KICS2: variants seen among roughly 807,000 people sequenced by gnomAD.
KICS2 encodes the protein KICSTOR subunit 2, also known as KICSTOR complex protein C12orf66.
Under a neutral mutation model 31.4 loss-of-function variants are expected in KICS2, and 13 were observed. The observed-to-expected ratio is 0.41, with a 90% CI of 0.27 to 0.66. The LOEUF (loss-of-function observed/expected upper bound fraction) is 0.66, where lower values mean the gene tolerates loss of function less well. Ranked by LOEUF, KICS2 falls within the 30% of genes least tolerant of loss-of-function variation. The pLI is 0.28. For missense variants in KICS2, 455 were observed against 545.4 expected (o/e 0.83, Z 1.65); for synonymous variants, 209 against 214.8 (o/e 0.97, Z 0.24).
chr12:64,219,654 GAAGA>G (rs1186534952), intron 1 of KICS2, among the ~76,000 whole-genome samples: 3 of 152,166 alleles, frequency 2.0e-5, no homozygotes, highest in African/African-American at 4.8e-5. Context: ...AGGAAGGAAG[GAAGA>G]TAACTATGTA....
At position 64,197,223 on chromosome 12, in the gene KICS2, G is replaced by C. The variant is rs2037448759; in HGVS notation, c.522-2565C>G. On this transcript the variant is annotated intron_variant, in intron 2 of 2. Transcript: ENST00000398055. ...GAGAAAGGTCGGGTTACCCTCAAAGGGAAGCCCATCAGACTAACAGCGGAT... is the reference window on the plus strand; with the variant it reads ...GAGAAAGGTCGGGTTACCCTCAAAGCGAAGCCCATCAGACTAACAGCGGAT... Among the ~76,000 whole-genome samples, 4 of 145,070 alleles carry C rather than the reference G, an allele frequency of 2.8e-5. No homozygotes were observed. In the South Asian group the frequency reaches 6.9e-4, roughly 25 times the overall value.
In KICS2 at chr12:64,208,287, G is replaced by A. The variant is rs534463325; in HGVS notation, c.521+7391C>T. 1.2e-4 allele frequency among the ~76,000 whole-genome samples: 18 copies of A among 152,340 alleles called. No individual in the cohort carries two copies. The East Asian group carries it at 2.1e-3, about 18-fold the overall frequency. On this transcript the variant is annotated intron_variant, in intron 2 of 2. Coordinates refer to ENST00000398055, the MANE Select transcript of KICS2 (RefSeq NM_152440.5). ...GCCTCCCAAAGTGCTGGGATTACAC[G>A]CATTAGACACTGCGCCTGGCCCTTT...
At position 64,194,577 on chromosome 12, in the gene KICS2, C is replaced by G. The variant is rs1364231494; in HGVS notation, c.603G>C (p.Gln201His). The stretch of plus-strand genomic sequence containing the variant: ...GGAACTTCCACTCTGAGACCTGGGC[C>G]TGGGCTTTCAGGAGATGACACAGGA... ...VDVLCHLLKA[Q>H]AQVSEWKFLP... The change falls in exon 3 of 3, where the codon CAG becomes CAC. Residue 201 changes from glutamine (Q) to histidine (H), a missense_variant. Gln to His is a conservative substitution (Grantham distance 24). Transcript: ENST00000398055. 1.2e-6 allele frequency: 2 copies of G among 1,614,108 alleles called. No individual in the cohort carries two copies. Among genetic ancestry groups the G allele is most frequent in the African/African-American group, 1.3e-5 (1 of 75,008 alleles).
At chr12:64,204,191 C>A (rs2037516636) in intron 2 of KICS2, among the ~76,000 whole-genome samples, 1 of 152,098 alleles carries the variant, frequency 6.6e-6, no homozygotes, top group Admixed American at 6.6e-5. Flanking sequence ...GAACAACACA[C>A]ACTAGTGCCT....
intron 2 of KICS2, among the ~76,000 whole-genome samples, chr12:64,207,957 G>C (rs2037554367): frequency 6.6e-6 from 1 of 152,214 alleles, no homozygotes; most frequent in Admixed American, 6.5e-5. Flanking sequence ...CTATGGGGCT[G>C]TTTTTGGACT....
Position 64,192,874 on chromosome 12 carries a change from T to C in KICS2, c.*968A>G. On this transcript the variant is annotated 3_prime_UTR_variant, in exon 3 of 3. Coordinates refer to ENST00000398055, the MANE Select transcript of KICS2 (RefSeq NM_152440.5). ...AGGTGATTACTCAACTATGAAGAGG[T>C]CTTTCAAGCGCACAGTTGATTTTTA... The C allele has an allele frequency of 3.0e-6, 3 of 985,350 alleles. No homozygotes were observed. The highest frequency in any genetic ancestry group is 3.6e-6 in the Non-Finnish European group (3 of 829,904). The allele number at this position is 985,350 out of a possible 1,614,324, so 61.0% of individuals were successfully genotyped here.
chr12:64,188,420 A>G (rs1237136967), downstream of KICS2, among the ~76,000 whole-genome samples: 1 of 152,130 alleles, frequency 6.6e-6, no homozygotes, highest in Non-Finnish European at 1.5e-5. Context: ...GCTACTCATG[A>G]GGCTGAGGCA....
chr12:64,216,990 G>T (rs959478646), intron 1 of KICS2, among the ~76,000 whole-genome samples: 1 of 152,104 alleles, frequency 6.6e-6, no homozygotes, highest in African/African-American at 2.4e-5. Context: ...TCTCTTCAAT[G>T]AATTTACTAT....
intron 2 of KICS2, among the ~76,000 whole-genome samples, chr12:64,215,115 G>C (rs142986444): frequency 3.3e-5 from 5 of 150,654 alleles, no homozygotes. Flanking sequence ...AGACCAGCCC[G>C]GCCAATATGG....
downstream of KICS2, among the ~76,000 whole-genome samples, chr12:64,188,633 T>A (rs1286081065): frequency 6.6e-6 from 1 of 151,104 alleles, no homozygotes; most frequent in Non-Finnish European, 1.5e-5. Flanking sequence ...GGAAAATAAA[T>A]AATCAACAGT....
chr12:64,218,144 G>A (rs1222041033), intron 1 of KICS2, among the ~76,000 whole-genome samples: 1 of 152,232 alleles, frequency 6.6e-6, no homozygotes, highest in Non-Finnish European at 1.5e-5. Context: ...ATACGGAACT[G>A]TTCCCTACAG....
At chr12:64,215,588 G>T in intron 2 of KICS2, 90 bp downstream of exon 2, 2 of 1,139,150 alleles carry the variant, frequency 1.8e-6, no homozygotes, top group Non-Finnish European at 2.5e-6. Context: ...TTTCATCACA[G>T]ATTTTCATAA....
At position 64,220,052 on chromosome 12, in the gene KICS2, A is replaced by C. The variant is rs151208785; in HGVS notation, c.235+1951T>G. On this transcript the variant is annotated intron_variant, in intron 1 of 2. Coordinates refer to ENST00000398055, the MANE Select transcript of KICS2 (RefSeq NM_152440.5). Reference sequence around the variant, plus strand: ...AAAAAAATGTGCAAAGATAAAATTTAAATTCTGGAACTTATGTTTACTGTA... The same window carrying C: ...AAAAAAATGTGCAAAGATAAAATTTCAATTCTGGAACTTATGTTTACTGTA... Among the ~76,000 whole-genome samples, 115 of 152,356 alleles carry C rather than the reference A, an allele frequency of 7.5e-4. 1 individual carries two copies. Among genetic ancestry groups the C allele is most frequent in the African/African-American group, 2.5e-3 (106 of 41,588 alleles).
At chr12:64,190,569 A>C (rs1049440960), downstream of KICS2, among the ~76,000 whole-genome samples, 1 of 152,114 alleles carries the variant, frequency 6.6e-6, no homozygotes, top group African/African-American at 2.4e-5. Context: ...TTTCGAGACC[A>C]GCCTGAGCAA....
intron 2 of KICS2, among the ~76,000 whole-genome samples, chr12:64,196,793 C>T (rs1374709639): frequency 1.4e-5 from 2 of 147,710 alleles, no homozygotes; most frequent in Admixed American, 6.8e-5. Flanking sequence ...TCGAGAACTA[C>T]GTGAAGAATG....
chr12:64,206,620 G>A (rs1331531082), intron 2 of KICS2, among the ~76,000 whole-genome samples: 1 of 152,180 alleles, frequency 6.6e-6, no homozygotes, highest in African/African-American at 2.4e-5. Context: ...TAAAATAGCT[G>A]AGAGGTGGAA....
intron 2 of KICS2, among the ~76,000 whole-genome samples, chr12:64,212,000 T>C (rs558355767): frequency 6.6e-6 from 1 of 152,288 alleles, no homozygotes; most frequent in East Asian, 1.9e-4. Context: ...AGGAGGAAAG[T>C]GTCATGATGA....
chr12:64,196,569 C>T (rs2037441546), intron 2 of KICS2, among the ~76,000 whole-genome samples: 1 of 151,822 alleles, frequency 6.6e-6, no homozygotes, highest in South Asian at 2.1e-4. Context: ...GAACACAGTT[C>T]CTCACCAGCA....
In KICS2 at chr12:64,222,069, C is replaced by G. The variant is rs2037689104; in HGVS notation, c.169G>C (p.Ala57Pro). ...TCGGCCGCGGCCAGGTGCGCCAAGGCCGCCAGCAGCGACAGCCAGCTGCCC... is the reference window on the plus strand; with the variant it reads ...TCGGCCGCGGCCAGGTGCGCCAAGGGCGCCAGCAGCGACAGCCAGCTGCCC... ...AGGSWLSLLA[A>P]LAHLAAAEKV... Residue 57 changes from alanine (A) to proline (P), a missense_variant, in exon 1 of 3, where the codon GCC (alanine) becomes CCC (proline). Transcript: ENST00000398055. 1.2e-6 allele frequency: 2 copies of G among 1,613,794 alleles called. No homozygotes were observed. The highest frequency in any genetic ancestry group is 8.5e-7 in the Non-Finnish European group (1 of 1,179,896).
Sources: gnomAD v4.1 joint callset for allele counts (sites outside exome capture counted in the v4.1 genomes callset) on GRCh38, gnomAD v4.1.1 for gene constraint, MANE v1.5 for transcripts, NCBI Gene and HGNC (gene_info 2026-07-23, HGNC 2026-07-21) for gene names.